The following ACP6 variants were observed in gnomAD, a reference collection of about 807,000 sequenced individuals.
ACP6 encodes acid phosphatase 6, lysophosphatidic, also known as lysophosphatidic acid phosphatase type 6.
In ACP6, 48 loss-of-function variants were observed where a neutral mutation model predicts 48.1. The ratio of observed to expected loss-of-function variants is 1.00; its 90% CI spans 0.79 to 1.27. The LOEUF (loss-of-function observed/expected upper bound fraction) is 1.27. Ranked by LOEUF, ACP6 falls within the 50% of genes most tolerant of loss-of-function variation. The pLI, the probability that ACP6 is intolerant of heterozygous loss-of-function variation, is 0.00. For missense variants in ACP6, 485 were observed against 529.1 expected (o/e 0.92, Z 0.82); for synonymous variants, 172 against 204.2 (o/e 0.84, Z 1.34).
intron 4 of ACP6, among the ~76,000 whole-genome samples, chr1:147,657,698 C>A (rs782612841): frequency 3.9e-5 from 6 of 152,136 alleles, no homozygotes; most frequent in African/African-American, 1.4e-4. Context: ...GGATTACAAG[C>A]GTGAACTACT....
chr1:147,644,286 A>G lies in ACP6; in HGVS notation c.*3137T>C, dbSNP rs1455772285. The G allele has an allele frequency of 6.6e-6, 1 of 152,240 alleles. No individual in the cohort carries two copies. Among genetic ancestry groups the G allele is most frequent in the Non-Finnish European group, 1.5e-5 (1 of 68,034 alleles). The allele number at this position is 152,240 out of a possible 1,614,324, so 9.4% of individuals were successfully genotyped here. On this transcript the variant is annotated 3_prime_UTR_variant, in exon 10 of 10. Transcript: ENST00000583509. ...CACATTGTACTCCATAAATATACGC[A>G]ATTATTATCTGTCAACTAAAAAGAA...
chr1:147,650,359 A>C (rs1416493545), intron 7 of ACP6, 121 bp from the exon 8 acceptor site: 14 of 637,500 alleles, frequency 2.2e-5, no homozygotes, highest in African/African-American at 3.8e-5. Context: ...CAAGTAATGC[A>C]TAAGGGCCAG....
chr1:147,645,878 A>T lies in ACP6; in HGVS notation c.*1545T>A, dbSNP rs1030177970. On this transcript the variant is annotated 3_prime_UTR_variant, in exon 10 of 10. Transcript: ENST00000583509. ...TAATAGAATAATTGGTCAGGAAAAA[A>T]ATTGACAATCCAGAAAAAAGACACT... is the stretch of plus-strand genomic sequence containing the variant. 1 of 152,220 alleles carries T rather than the reference A, an allele frequency of 6.6e-6. No homozygotes were observed. Among genetic ancestry groups the T allele is most frequent in the South Asian group, 2.1e-4 (1 of 4,830 alleles). The allele number at this position is 152,220 out of a possible 1,614,324, so 9.4% of individuals were successfully genotyped here. A position where few individuals can be genotyped will look rare whatever the true frequency, so the allele number is the denominator to read the frequency against.
chr1:147,632,223 A>C (rs1570935414), intron 5 of ACP6, among the ~76,000 whole-genome samples: 1 of 148,544 alleles, frequency 6.7e-6, no homozygotes, highest in Non-Finnish European at 1.5e-5. Context: ...ACACACACAC[A>C]CCATCATTTT....
At chr1:147,664,794 A>C (rs1660718586) in intron 1 of ACP6, among the ~76,000 whole-genome samples, 1 of 152,238 alleles carries the variant, frequency 6.6e-6, no homozygotes, top group African/African-American at 2.4e-5. Flanking sequence ...ATAGAAGCTG[A>C]CATGTGCTGC....
rs1553209928 is a variant in ACP6, at chr1:147,648,391, G to T, written c.998C>A (p.Ala333Asp). 3 of 1,614,180 alleles carry T rather than the reference G, an allele frequency of 1.9e-6. No homozygotes were observed. The highest frequency in any genetic ancestry group is 2.5e-6 in the Non-Finnish European group (3 of 1,180,022). The part of the protein sequence containing the change: ...DKIRKLYLYA[A>D]HDVTFIPLLM... ...GAGCGGTATGAAGGTCACATCATGA[G>T]CCGCATAGAGATACAGCTTTCTGCA... Residue 333 changes from alanine (A) to aspartate (D), a missense_variant, in exon 9 of 10, where the codon GCT becomes GAT. Transcript: ENST00000583509.
intron 6 of ACP6, among the ~76,000 whole-genome samples, chr1:147,652,820 T>C (rs1194278676): frequency 4.5e-5 from 2 of 44,302 alleles, no homozygotes; most frequent in African/African-American, 2.0e-4. Context: ...ATGAAAAGCA[T>C]TTTTGTTGTT....
chr1:147,645,128 G>T lies in ACP6; in HGVS notation c.*2295C>A, dbSNP rs1220449499. 7 of 151,462 alleles carry T rather than the reference G, an allele frequency of 4.6e-5. No individual in the cohort carries two copies. The highest frequency in any genetic ancestry group is 2.4e-5 in the African/African-American group (1 of 41,242). 9.4% of individuals were successfully genotyped at this position (151,462 alleles called of 1,614,324 possible). A position where few individuals can be genotyped will look rare whatever the true frequency, so the allele number is the denominator to read the frequency against. On this transcript the variant is annotated 3_prime_UTR_variant, in exon 10 of 10. Transcript: ENST00000583509. ...AAGTAGCTGGGATTACAGGCACATT[G>T]TACTCCATAAATAGACACATACAGC...
downstream of ACP6, among the ~76,000 whole-genome samples, chr1:147,639,002 A>G (rs1247625329): frequency 6.6e-6 from 1 of 152,144 alleles, no homozygotes; most frequent in Non-Finnish European, 1.5e-5. Context: ...GACTACAGGC[A>G]CTTGCCACCA....
At position 147,644,070 on chromosome 1, in the gene ACP6, T is replaced by G. The variant is rs587667480; in HGVS notation, c.*3353A>C. The G allele has an allele frequency of 6.6e-6, 1 of 152,296 alleles. No homozygotes were observed. Among genetic ancestry groups the G allele is most frequent in the African/African-American group, 2.4e-5 (1 of 41,564 alleles). The allele number at this position is 152,296 out of a possible 1,614,324, so 9.4% of individuals were successfully genotyped here. A position where few individuals can be genotyped will look rare whatever the true frequency, so the allele number is the denominator to read the frequency against. ...GCTCCACCTCCCAGTAACATTGTAC[T>G]GGGCACTAAGTGTCAACATCAAATT... On this transcript the variant is annotated 3_prime_UTR_variant, in exon 10 of 10. Coordinates refer to ENST00000583509, the MANE Select transcript of ACP6 (RefSeq NM_016361.5).
chr1:147,669,848 C>G lies in ACP6; in HGVS notation c.201G>C (p.Pro67=), dbSNP rs782323787. Residue 67 remains proline (P), a synonymous_variant, in exon 1 of 10, where the codon CCG becomes CCC. Coordinates refer to ENST00000583509, the MANE Select transcript of ACP6 (RefSeq NM_016361.5). ...FRHGARSPLK[P]LPLEEQVEWN... is the part of the protein sequence containing the mutation. ...CTCTCACCTGCTCCTCCAGCGGGAG[C>G]GGCTTGAGAGGACTCCGAGCCCCGT... is the stretch of plus-strand genomic sequence containing the variant. 2 of 1,593,766 alleles carry G rather than the reference C, an allele frequency of 1.3e-6. No homozygotes were observed. Among genetic ancestry groups the G allele is most frequent in the South Asian group, 2.2e-5 (2 of 89,108 alleles).
rs587607644 is a variant in ACP6, at chr1:147,669,144, A to G, written c.219+686T>C. 2.6e-5 allele frequency among the ~76,000 whole-genome samples: 4 copies of G among 152,234 alleles called. No homozygotes were observed. In the East Asian group the frequency reaches 7.7e-4, roughly 29 times the overall value. ...GTCATAATTATCCTGACAAAACCAG[A>G]CAGATTTTTAAAACATTACTGCCAC... On this transcript the variant is annotated intron_variant, in intron 1 of 9. Transcript: ENST00000583509.
At chr1:147,632,323 T>C (rs1391841535) in intron 5 of ACP6, among the ~76,000 whole-genome samples, 1 of 152,120 alleles carries the variant, frequency 6.6e-6, no homozygotes, top group African/African-American at 2.4e-5. Flanking sequence ...TTCTTGCTCA[T>C]CACTTGTTCA....
At chr1:147,666,061 T>C (rs181286116) in intron 1 of ACP6, among the ~76,000 whole-genome samples, 7 of 152,352 alleles carry the variant, frequency 4.6e-5, no homozygotes, top group Admixed American at 2.0e-4. Context: ...AAGAAATGGA[T>C]GCAGTAACAC....
intron 1 of ACP6, among the ~76,000 whole-genome samples, chr1:147,665,974 A>T (rs1179545569): frequency 6.6e-6 from 1 of 152,238 alleles, no homozygotes; most frequent in Non-Finnish European, 1.5e-5. Flanking sequence ...TAAAGTAGAT[A>T]TAGCAAAAAT....
chr1:147,636,523 G>A (rs1010315566), intron 5 of ACP6, among the ~76,000 whole-genome samples: 2 of 152,222 alleles, frequency 1.3e-5, no homozygotes, highest in Admixed American at 6.5e-5. Flanking sequence ...GAAGCCAGAT[G>A]TGCAGATATG....
intron 5 of ACP6, among the ~76,000 whole-genome samples, chr1:147,654,611 G>A (rs145432674): frequency 1.2e-4 from 18 of 152,312 alleles, no homozygotes; most frequent in African/African-American, 4.1e-4. Flanking sequence ...CATGGCCCAG[G>A]TCTGTCTGAA....
intron 5 of ACP6, among the ~76,000 whole-genome samples, chr1:147,633,595 C>A (rs1253239395): frequency 6.6e-6 from 1 of 151,564 alleles, no homozygotes; most frequent in African/African-American, 2.4e-5. Flanking sequence ...AAAGTCATCA[C>A]TCCTAATCCT....
Position 147,659,421 on chromosome 1 carries a change from G to A in ACP6, c.454C>T (p.Pro152Ser), listed in dbSNP as rs142392455. ...AAGACCTCCTGTGGGTTGAAGGTTG[G>A]TGAAAGAAAGGGAATGTCTTCCACA... The part of the protein sequence containing the change: ...NYVEDIPFLS[P>S]TFNPQEVFIR... The change falls in exon 3 of 10, where the codon CCA becomes TCA. Residue 152 changes from proline (P) to serine (S), a missense_variant. Coordinates refer to ENST00000583509, the MANE Select transcript of ACP6 (RefSeq NM_016361.5). The A allele has an allele frequency of 1.9e-6, 3 of 1,614,056 alleles. No individual in the cohort carries two copies. The highest frequency in any genetic ancestry group is 2.7e-5 in the African/African-American group (2 of 74,922).
Sources: gnomAD v4.1 joint callset for allele counts (sites outside exome capture counted in the v4.1 genomes callset) on GRCh38, gnomAD v4.1.1 for gene constraint, MANE v1.5 for transcripts, NCBI Gene and HGNC (gene_info 2026-07-23, HGNC 2026-07-21) for gene names.